Variants in MTMR10 observed in about 807,000 individuals in gnomAD.
MTMR10 encodes the protein myotubularin-related protein 10.
MTMR10 carries 56 observed loss-of-function variants against 88.1 expected under a neutral mutation model. The observed-to-expected ratio is 0.64, with a 90% CI of 0.51 to 0.79. The LOEUF (loss-of-function observed/expected upper bound fraction) is 0.79. Ranked by LOEUF, MTMR10 falls within the 30% of genes least tolerant of loss-of-function variation. The pLI is 0.00. For missense variants in MTMR10, 883 were observed against 924.7 expected (o/e 0.95, Z 0.58); for synonymous variants, 380 against 340.9 (o/e 1.11, Z -1.26).
At chr15:30,969,734 T>C (rs564177233) in intron 5 of MTMR10, among the ~76,000 whole-genome samples, 1 of 152,288 alleles carries the variant, frequency 6.6e-6, no homozygotes, top group African/African-American at 2.4e-5. Context: ...CATTCTTGAT[T>C]CTTCACAAAA....
In MTMR10 at chr15:30,974,919, A is replaced by ATTCGG; in HGVS notation, c.331+11_331+12insCCGAA. The stretch of plus-strand genomic sequence containing the variant: ...GAATTGACTTTTAGAGTATGTACGG[A>ATTCGG]ATACTACGTACCTGTGACAATTTGC... On this transcript the variant is annotated intron_variant, in intron 4 of 15. Transcript: ENST00000435680. 1.3e-6 allele frequency: 2 copies of ATTCGG among 1,513,720 alleles called. No homozygotes were observed. Among genetic ancestry groups the ATTCGG allele is most frequent in the Admixed American group, 4.1e-5 (2 of 48,348 alleles). The allele number at this position is 1,513,720 out of a possible 1,614,324, so 93.8% of individuals were successfully genotyped here.
rs929807493 is a variant in MTMR10 at position 30,941,237 on chromosome 15, G to A, written c.*233C>T. ...CAGACAACATGAACAGTTTGATCAC[G>A]GTTACAAGAGCCAGACCTGTAATGA... On this transcript the variant is annotated 3_prime_UTR_variant, in exon 16 of 16. Transcript: ENST00000435680. 8.4e-6 allele frequency: 12 copies of A among 1,428,570 alleles called. No homozygotes were observed. Among genetic ancestry groups the A allele is most frequent in the African/African-American group, 1.4e-5 (1 of 70,658 alleles). The allele number at this position is 1,428,570 out of a possible 1,614,324, so 88.5% of individuals were successfully genotyped here.
intron 2 of MTMR10, among the ~76,000 whole-genome samples, chr15:30,989,831 C>T (rs956759711): frequency 1.6e-4 from 25 of 152,162 alleles, no homozygotes; most frequent in African/African-American, 5.3e-4. Flanking sequence ...GTGATCCACC[C>T]GCCTCGGCCT....
intron 9 of MTMR10, among the ~76,000 whole-genome samples, 187 bp downstream of exon 9, chr15:30,958,675 AG>A (rs1408598263): frequency 6.6e-6 from 1 of 152,266 alleles, no homozygotes; most frequent in Non-Finnish European, 1.5e-5. Context: ...AATTATATTT[AG>A]TGTAACTCCA....
At position 30,941,936 on chromosome 15, in the gene MTMR10, T is replaced by C. The variant is rs1566943216; in HGVS notation, c.1868A>G (p.Gln623Arg). 6.2e-7 allele frequency: 1 copy of C among 1,614,064 alleles called. No individual in the cohort carries two copies. The highest frequency in any genetic ancestry group is 8.5e-7 in the Non-Finnish European group (1 of 1,179,890). The change falls in exon 16 of 16, where the codon CAG (glutamine) becomes CGG (arginine). Residue 623 changes from glutamine to arginine, a missense_variant. Transcript: ENST00000435680. ...AAAATACTGCTCCGTATCACTGTTC[T>C]GGCTGTCGGTTTGCTGAGCTGGATC... ...KPDPAQQTDS[Q>R]NSDTEQYFRE...
the MTMR10 span, chr15:30,926,717 G>A: frequency 1.4e-5 from 14 of 985,328 alleles, no homozygotes; most frequent in African/African-American, 3.5e-5. Context: ...TCAAGGCCCC[G>A]AGAGACGTGG....
intron 2 of MTMR10, among the ~76,000 whole-genome samples, chr15:30,981,996 G>A (rs977259166): frequency 9.9e-5 from 15 of 151,718 alleles, no homozygotes; most frequent in East Asian, 3.9e-4. Flanking sequence ...GCTCAAACTC[G>A]GGAGCTGGAG....
In MTMR10 at chr15:30,976,923, T is replaced by G; in HGVS notation, c.154A>C (p.Arg52=). ...EIVVNEVNFV[R]KCIATDTSQY... ...CTTGTGTCTGTTGCAATGCATTTTCTCACAAAATTGACTTCATTTACGACA... is the reference window on the plus strand; with the variant it reads ...CTTGTGTCTGTTGCAATGCATTTTCGCACAAAATTGACTTCATTTACGACA... Residue 52 remains arginine, a synonymous_variant, in exon 3 of 16, where the codon AGA becomes CGA. Transcript: ENST00000435680. 1 of 1,613,540 alleles carries G rather than the reference T, an allele frequency of 6.2e-7. No individual in the cohort carries two copies. The highest frequency in any genetic ancestry group is 1.3e-5 in the African/African-American group (1 of 75,034).
intron 2 of MTMR10, among the ~76,000 whole-genome samples, chr15:30,982,576 G>A (rs2030654323): frequency 6.6e-6 from 1 of 152,188 alleles, no homozygotes; most frequent in South Asian, 2.1e-4. Flanking sequence ...TTACAGAATG[G>A]AAATGAGCCC....
At chr15:30,975,526 G>T (rs915660751) in intron 3 of MTMR10, among the ~76,000 whole-genome samples, 7 of 152,070 alleles carry the variant, frequency 4.6e-5, no homozygotes, top group Non-Finnish European at 7.4e-5. Context: ...GCTGTTCCAG[G>T]TATCTGCTTC....
chr15:30,946,707 T>C (rs560994076), intron 14 of MTMR10: 28 of 702,734 alleles, frequency 4.0e-5, no homozygotes, highest in African/African-American at 3.5e-4. Context: ...TCTACATCAA[T>C]GAATTGTGAC....
intron 3 of MTMR10, 57 bp downstream of exon 3, chr15:30,976,762 T>C: frequency 3.2e-6 from 5 of 1,543,292 alleles, no homozygotes; most frequent in Non-Finnish European, 4.4e-6. Context: ...TATAATAATA[T>C]GTACCACTTA....
At chr15:30,980,019 T>C (rs186439302) in intron 2 of MTMR10, among the ~76,000 whole-genome samples, 1 of 152,332 alleles carries the variant, frequency 6.6e-6, no homozygotes, top group East Asian at 1.9e-4. Context: ...GCCTAAAATA[T>C]TTACTGCACT....
the MTMR10 span, chr15:30,925,651 G>T: frequency 3.0e-6 from 3 of 988,502 alleles, no homozygotes; most frequent in East Asian, 7.2e-5. Context: ...AGTTCTGCGT[G>T]TGTGAGCCCC....
downstream of MTMR10, among the ~76,000 whole-genome samples, chr15:30,938,474 T>C (rs931823706): frequency 1.3e-5 from 2 of 152,214 alleles, no homozygotes; most frequent in African/African-American, 4.8e-5. Context: ...TTGTCCTTCA[T>C]TGTCCATCTC....
In MTMR10 at chr15:30,991,481, G is replaced by A; in HGVS notation, c.26C>T (p.Pro9Leu). ...TGGCAGGAGGTAGGACCTGAAGGTG[G>A]GTTTGGGCGGCTTGAGGGAGAACAT... MFSLKPPK[P>L]TFRSYLLPPP... The change falls in exon 1 of 16, where the codon CCC becomes CTC. Residue 9 changes from proline (P) to leucine (L), a missense_variant. Around this residue, in one of 3 missense-constraint regions of MTMR10, gnomAD observed 414 missense variants for 423.2 expected, o/e 0.98. Transcript: ENST00000435680. The A allele has an allele frequency of 6.6e-7, 1 of 1,518,444 alleles. No individual in the cohort carries two copies. The allele number at this position is 1,518,444 out of a possible 1,614,324, so 94.1% of individuals were successfully genotyped here.
the MTMR10 span, chr15:30,925,011 C>T: frequency 4.7e-6 from 5 of 1,070,898 alleles, no homozygotes; most frequent in Non-Finnish European, 6.7e-6. Flanking sequence ...GCTGTTTGCT[C>T]ATTTGCTAAT....
chr15:30,951,855 G>T, intron 12 of MTMR10, 113 bp downstream of exon 12: 1 of 872,474 alleles, frequency 1.1e-6, no homozygotes, highest in Non-Finnish European at 1.9e-6. Context: ...TGATGGTACT[G>T]TAGTAAATAA....
chr15:30,960,836 G>A (rs200306326), intron 7 of MTMR10, 45 bp downstream of exon 7: 263 of 1,473,652 alleles, frequency 1.8e-4, no homozygotes, highest in Non-Finnish European at 4.6e-5. Context: ...TATTCATAGG[G>A]AAGTGACTTC....
Sources: allele counts gnomAD v4.1 joint callset (sites outside exome capture counted in the v4.1 genomes callset), GRCh38; gene constraint gnomAD v4.1.1; regional missense constraint gnomAD v4.1.1; transcripts MANE v1.5; gene names NCBI Gene and HGNC (gene_info 2026-07-23, HGNC 2026-07-21).